Variants in PTPRT observed in about 807,000 individuals in gnomAD.
The protein encoded by PTPRT is receptor-type tyrosine-protein phosphatase T.
PTPRT carries 56 observed loss-of-function variants against 176.8 expected under a neutral mutation model. The ratio of observed to expected loss-of-function variants is 0.32; its 90% confidence interval spans 0.26 to 0.40. The LOEUF is 0.40. PTPRT is among the 10% of genes least tolerant of loss of function. PTPRT has a pLI of 1.00. For missense variants in PTPRT, 1,540 were observed against 1,908.2 expected (o/e 0.81, Z 3.60); for synonymous variants, 783 against 739.0 (o/e 1.06, Z -0.96).
At chr20:42,104,057 C>A (rs117897561) in intron 25 of PTPRT, among the ~76,000 whole-genome samples, 1 of 152,214 alleles carries the variant, frequency 6.6e-6, no homozygotes, top group African/African-American at 2.4e-5. Context: ...TCATCCCTCC[C>A]AAAATCCATG....
intron 1 of PTPRT, among the ~76,000 whole-genome samples, chr20:43,010,867 G>A (rs1242875358): frequency 6.6e-6 from 1 of 152,118 alleles, no homozygotes; most frequent in African/African-American, 2.4e-5. Flanking sequence ...AGATTAAAGA[G>A]CTGGGGAAAT....
chr20:42,513,205 T>G (rs1034781652), intron 7 of PTPRT, among the ~76,000 whole-genome samples: 1 of 128,192 alleles, frequency 7.8e-6, no homozygotes, highest in Admixed American at 7.6e-5. Flanking sequence ...TGATGGGGTG[T>G]GTGTGTGTGT....
At chr20:42,988,179 C>T (rs1983706876) in intron 1 of PTPRT, among the ~76,000 whole-genome samples, 1 of 152,154 alleles carries the variant, frequency 6.6e-6, no homozygotes, top group Non-Finnish European at 1.5e-5. Flanking sequence ...ATCACTGTGT[C>T]CCCAGAGTGT....
chr20:43,044,964 A>G (rs1238981320), intron 1 of PTPRT, among the ~76,000 whole-genome samples: 3 of 152,262 alleles, frequency 2.0e-5, no homozygotes, highest in Non-Finnish European at 4.4e-5. Flanking sequence ...GGTCTGGCAT[A>G]TGACTACTTA....
At chr20:42,907,071 A>G (rs962283824) in intron 1 of PTPRT, among the ~76,000 whole-genome samples, 1 of 152,208 alleles carries the variant, frequency 6.6e-6, no homozygotes, top group Admixed American at 6.5e-5. Context: ...AAAATGTAAC[A>G]GTGAGGGGAA....
chr20:42,946,254 A>G (rs754018485), intron 1 of PTPRT, among the ~76,000 whole-genome samples: 2 of 152,182 alleles, frequency 1.3e-5, no homozygotes, highest in Non-Finnish European at 2.9e-5. Flanking sequence ...CTTGCCCCCA[A>G]ACAATGAATC....
At chr20:42,738,611 G>A (rs985649705) in intron 6 of PTPRT, among the ~76,000 whole-genome samples, 4 of 151,924 alleles carry the variant, frequency 2.6e-5, no homozygotes, top group Admixed American at 1.3e-4. Flanking sequence ...CAAAATAGTC[G>A]AAGCCCTGAT....
At chr20:42,789,696 T>C (rs2077345219) in intron 3 of PTPRT, among the ~76,000 whole-genome samples, 2 of 152,058 alleles carry the variant, frequency 1.3e-5, no homozygotes, top group South Asian at 4.1e-4. Flanking sequence ...TGAAGAAAAA[T>C]AACATTATTC....
At position 42,517,187 on chromosome 20, in the gene PTPRT, T is replaced by C. The variant is rs374988123; in HGVS notation, c.1154-44625A>G. On this transcript the variant is annotated intron_variant, in intron 7 of 30. Transcript: ENST00000373187. ...TGATGTTTTCATTTTGGGGAGATTG[T>C]TGACAGATTATAAAGTAATCCTTTA... Among the ~76,000 whole-genome samples the C allele has an allele frequency of 3.2e-3, 480 of 152,194 alleles. 22 individuals are homozygous for C. The South Asian group carries it at 0.094, about 30-fold the overall frequency.
the PTPRT span, among the ~76,000 whole-genome samples, chr20:42,034,880 T>C: frequency 6.6e-6 from 1 of 152,180 alleles, no homozygotes; most frequent in African/African-American, 2.4e-5. Flanking sequence ...ATGTGGGTCT[T>C]AAACCCTTCT....
chr20:42,224,169 T>C (rs976203489), intron 15 of PTPRT, among the ~76,000 whole-genome samples: 3 of 152,188 alleles, frequency 2.0e-5, no homozygotes, highest in Admixed American at 6.5e-5. Context: ...AGCAGAAGCA[T>C]TGAGTCCCTT....
At position 43,148,253 on chromosome 20, in the gene PTPRT, T is replaced by C. The variant is rs560853271; in HGVS notation, c.88+41393A>G. 1.1e-4 allele frequency among the ~76,000 whole-genome samples: 17 copies of C among 152,322 alleles called. No homozygotes were observed. The East Asian group carries it at 2.5e-3, about 23-fold the overall frequency. On this transcript the variant is annotated intron_variant, in intron 1 of 30. Transcript: ENST00000373187. Reference sequence around the variant, plus strand: ...TTCAATTGTTCACATGTCACTGTCCTAGCACATTTGTCACTCTGCCTGGAA... The same window carrying C: ...TTCAATTGTTCACATGTCACTGTCCCAGCACATTTGTCACTCTGCCTGGAA...
At chr20:42,159,027 T>A (rs905762768) in intron 17 of PTPRT, among the ~76,000 whole-genome samples, 1 of 151,778 alleles carries the variant, frequency 6.6e-6, no homozygotes. Context: ...AGTAGTCAAA[T>A]ACACTTGTAA....
chr20:42,881,523 G>A (rs1254327819), intron 2 of PTPRT, among the ~76,000 whole-genome samples: 1 of 151,952 alleles, frequency 6.6e-6, no homozygotes, highest in African/African-American at 2.4e-5. Flanking sequence ...TCAGGAGGTC[G>A]AGACCAGCCT....
At chr20:42,066,522 G>T in the PTPRT span, among the ~76,000 whole-genome samples, 154 of 152,160 alleles carry the variant, frequency 1.0e-3, 3 homozygotes, top group East Asian at 0.023. Context: ...TATGAATTAA[G>T]CTTTCTTTTA....
At chr20:42,673,022 T>C (rs544612376) in intron 7 of PTPRT, among the ~76,000 whole-genome samples, 1 of 152,294 alleles carries the variant, frequency 6.6e-6, no homozygotes, top group African/African-American at 2.4e-5. Context: ...TTTTGTGTAG[T>C]AGTTATTCAT....
intron 1 of PTPRT, among the ~76,000 whole-genome samples, chr20:43,047,235 T>G (rs1035682641): frequency 1.3e-5 from 2 of 152,174 alleles, no homozygotes; most frequent in Non-Finnish European, 2.9e-5. Context: ...CTCCCAACTT[T>G]TTTATTTGAC....
chr20:42,464,978 G>GT, intron 8 of PTPRT, among the ~76,000 whole-genome samples: 1 of 151,882 alleles, frequency 6.6e-6, no homozygotes, highest in East Asian at 1.9e-4. Flanking sequence ...AAGTACATGA[G>GT]TTTTTTAAAA....
chr20:42,494,669 C>T (rs956232413), intron 7 of PTPRT, among the ~76,000 whole-genome samples: 2 of 151,972 alleles, frequency 1.3e-5, no homozygotes, highest in Non-Finnish European at 1.5e-5. Context: ...TATTATTTCC[C>T]CCACCTTAGC....
Sources: allele counts gnomAD v4.1 joint callset (sites outside exome capture counted in the v4.1 genomes callset), GRCh38; gene constraint gnomAD v4.1.1; transcripts MANE v1.5; gene names NCBI Gene and HGNC (gene_info 2026-07-23, HGNC 2026-07-21).